Variants in FHIT observed in about 807,000 individuals in gnomAD.
FHIT encodes the protein fragile histidine triad diadenosine triphosphatase.
In FHIT, 19 loss-of-function variants were observed where a neutral mutation model predicts 17.9. The ratio of observed to expected loss-of-function variants is 1.06; its 90% CI spans 0.74 to 1.56. FHIT has a LOEUF of 1.56. Ranked by LOEUF, FHIT falls within the 40% of genes most tolerant of loss-of-function variation. The probability of loss-of-function intolerance (pLI) is 0.00; values close to 1 mark genes in which losing one functional copy is unlikely to be tolerated. For missense variants in FHIT, 248 were observed against 189.2 expected, an observed-to-expected ratio of 1.31 and a Z score of -1.82; for synonymous variants, 81 against 69.7, an observed-to-expected ratio of 1.16 and a Z score of -0.81.
intron 3 of FHIT, among the ~76,000 whole-genome samples, chr3:60,905,304 G>T (rs1424606812): frequency 6.6e-6 from 1 of 152,142 alleles, no homozygotes; most frequent in Non-Finnish European, 1.5e-5. Flanking sequence ...TACTCTATTA[G>T]CAAACAGAGT....
intron 2 of FHIT, among the ~76,000 whole-genome samples, chr3:61,165,127 A>G (rs2037800221): frequency 6.6e-6 from 1 of 152,160 alleles, no homozygotes; most frequent in Non-Finnish European, 1.5e-5. Flanking sequence ...TTTTGATAAA[A>G]TGATTTGTTT....
chr3:59,955,239 C>T (rs1179230941), intron 7 of FHIT, among the ~76,000 whole-genome samples: 1 of 152,188 alleles, frequency 6.6e-6, no homozygotes, highest in Non-Finnish European at 1.5e-5. Flanking sequence ...TCTCACTAGA[C>T]CTCTGGGCAG....
chr3:60,128,692 G>C (rs1445473970), intron 5 of FHIT, among the ~76,000 whole-genome samples: 1 of 152,194 alleles, frequency 6.6e-6, no homozygotes, highest in Non-Finnish European at 1.5e-5. Context: ...TAGTAACTGA[G>C]CATCAGGTAG....
At chr3:60,035,583 G>T (rs1701182532) in intron 5 of FHIT, among the ~76,000 whole-genome samples, 1 of 152,122 alleles carries the variant, frequency 6.6e-6, no homozygotes, top group Non-Finnish European at 1.5e-5. Context: ...TATAAGTTTT[G>T]CAAACTTTCA....
chr3:60,143,080 G>C (rs1191504510), intron 5 of FHIT, among the ~76,000 whole-genome samples: 2 of 152,122 alleles, frequency 1.3e-5, no homozygotes, highest in African/African-American at 4.8e-5. Flanking sequence ...CAATATTCGT[G>C]AGATTAAAAT....
At chr3:60,150,587 G>A (rs995472969) in intron 5 of FHIT, among the ~76,000 whole-genome samples, 4 of 151,532 alleles carry the variant, frequency 2.6e-5, no homozygotes, top group Admixed American at 6.6e-5. Context: ...CTCGAAAGTC[G>A]CTGAGACTAT....
chr3:60,113,248 A>G (rs1704760356), intron 5 of FHIT, among the ~76,000 whole-genome samples: 2 of 152,176 alleles, frequency 1.3e-5, no homozygotes, highest in South Asian at 4.1e-4. Flanking sequence ...TCACGTCTGT[A>G]TCCCCAACAC....
At chr3:60,151,327 A>G (rs368448806) in intron 5 of FHIT, among the ~76,000 whole-genome samples, 95 of 152,320 alleles carry the variant, frequency 6.2e-4, no homozygotes, top group African/African-American at 2.2e-3. Context: ...TCTTCAAAAC[A>G]TATCAAGACT....
chr3:61,023,359 GA>G (rs1414760651), intron 3 of FHIT, among the ~76,000 whole-genome samples: 1 of 152,116 alleles, frequency 6.6e-6, no homozygotes, highest in African/African-American at 2.4e-5. Flanking sequence ...CAAAAAAATG[GA>G]AAAGCATTCC....
chr3:60,663,509 C>T (rs1230241190), intron 4 of FHIT, among the ~76,000 whole-genome samples: 2 of 152,006 alleles, frequency 1.3e-5, no homozygotes, highest in African/African-American at 4.8e-5. Context: ...AATCTCGGCT[C>T]ACTGCAACCT....
At chr3:60,423,930 C>G (rs1023004388) in intron 5 of FHIT, among the ~76,000 whole-genome samples, 6 of 152,098 alleles carry the variant, frequency 3.9e-5, no homozygotes, top group African/African-American at 1.4e-4. Context: ...AAAAGTAATA[C>G]AGCTACTAAA....
chr3:60,815,977 T>G (rs1241950833), intron 4 of FHIT, among the ~76,000 whole-genome samples: 1 of 152,104 alleles, frequency 6.6e-6, no homozygotes, highest in African/African-American at 2.4e-5. Flanking sequence ...CCTAAGTATT[T>G]TATATACTTC....
At chr3:60,581,354 T>G in intron 4 of FHIT, among the ~76,000 whole-genome samples, 1 of 152,094 alleles carries the variant, frequency 6.6e-6, no homozygotes, top group East Asian at 1.9e-4. Context: ...TTAATTCTAG[T>G]ACCTTGCTCT....
intron 4 of FHIT, among the ~76,000 whole-genome samples, chr3:60,538,165 CT>C (rs2036055570): frequency 6.6e-6 from 1 of 152,078 alleles, no homozygotes; most frequent in Admixed American, 6.6e-5. Context: ...AGAGAGCAAA[CT>C]CATGAGTGAA....
In FHIT at chr3:61,111,521, C is replaced by T. The variant is rs137934326; in HGVS notation, c.-163-69422G>A. Among the ~76,000 whole-genome samples the T allele has an allele frequency of 1.1e-3, 175 of 152,256 alleles. 2 individuals carry two copies. Among genetic ancestry groups the T allele is most frequent in the African/African-American group, 4.0e-3 (167 of 41,552 alleles). On this transcript the variant is annotated intron_variant, in intron 2 of 9. Coordinates refer to ENST00000492590, the MANE Select transcript of FHIT (RefSeq NM_002012.4). ...GTACCTGACACATCACAGGCACTCA[C>T]GTGCATTTGCTGCGTGGAGGAAAGA...
intron 5 of FHIT, among the ~76,000 whole-genome samples, chr3:60,282,648 T>C (rs543152775): frequency 6.6e-6 from 1 of 152,008 alleles, no homozygotes. Context: ...GTATTAATAG[T>C]AGGAGACACT....
chr3:60,256,039 T>C (rs1007745728), intron 5 of FHIT, among the ~76,000 whole-genome samples: 2 of 152,282 alleles, frequency 1.3e-5, no homozygotes, highest in South Asian at 2.1e-4. Flanking sequence ...GAAACCTGCA[T>C]GAATTCTAAT....
At chr3:60,989,869 A>C (rs1202220476) in intron 3 of FHIT, among the ~76,000 whole-genome samples, 8 of 152,218 alleles carry the variant, frequency 5.3e-5, no homozygotes, top group Non-Finnish European at 1.2e-4. Context: ...AGGTGGAAGC[A>C]TCAATAAAAG....
At chr3:60,514,411 G>A (rs1384525454) in intron 5 of FHIT, among the ~76,000 whole-genome samples, 1 of 152,218 alleles carries the variant, frequency 6.6e-6, no homozygotes, top group Admixed American at 6.5e-5. Flanking sequence ...GGAGTGGCCA[G>A]CAGTGGGCTG....
Sources: gnomAD v4.1 joint callset for allele counts (sites outside exome capture counted in the v4.1 genomes callset) on GRCh38, gnomAD v4.1.1 for gene constraint, MANE v1.5 for transcripts, NCBI Gene and HGNC (gene_info 2026-07-23, HGNC 2026-07-21) for gene names.